CYP19A1: variants seen among roughly 807,000 people sequenced by gnomAD.
CYP19A1 encodes the protein cytochrome P450 family 19 subfamily A member 1.
In CYP19A1, 32 loss-of-function variants were observed where a neutral mutation model predicts 44.4. That is an observed-to-expected ratio of 0.72 (90% CI 0.54 to 0.97). CYP19A1 has a LOEUF of 0.97. Among genes scored for constraint, CYP19A1 ranks in the 50% least tolerant of loss-of-function variants. The pLI is 0.00. For missense variants in CYP19A1, 598 were observed against 637.8 expected (o/e 0.94, Z 0.67); for synonymous variants, 212 against 215.6 (o/e 0.98, Z 0.14).
chr15:51,336,161 A>G lies in CYP19A1; in HGVS notation c.-39+2334T>C, dbSNP rs952151306. ...GAACTGCATTCCTTTCTTCCAGAGC[A>G]TTTGTCTCGTGGCCGCATTTAGAAT... On this transcript the variant is annotated intron_variant, in intron 1 of 9. Transcript: ENST00000396402. 2.6e-5 allele frequency among the ~76,000 whole-genome samples: 4 copies of G among 152,016 alleles called. No individual in the cohort carries two copies. The East Asian group carries it at 7.7e-4, about 29-fold the overall frequency.
intron 4 of CYP19A1, among the ~76,000 whole-genome samples, chr15:51,225,342 A>G (rs748026617): frequency 1.9e-4 from 29 of 152,368 alleles, no homozygotes; most frequent in Non-Finnish European, 3.1e-4. Context: ...ACTAAATACT[A>G]GTTCACATAT....
chr15:51,211,461 G>T (rs2030973830), intron 9 of CYP19A1, among the ~76,000 whole-genome samples: 1 of 152,174 alleles, frequency 6.6e-6, no homozygotes, highest in South Asian at 2.1e-4. Context: ...TAGATTCCTG[G>T]CCTATTCAGT....
intron 5 of CYP19A1, among the ~76,000 whole-genome samples, chr15:51,220,015 G>A (rs896277910): frequency 6.6e-6 from 1 of 152,218 alleles, no homozygotes; most frequent in Admixed American, 6.5e-5. Context: ...TGGAGTAGGG[G>A]AGATGCGGCA....
intron 1 of CYP19A1, among the ~76,000 whole-genome samples, chr15:51,327,624 C>T (rs1265161580): frequency 6.6e-6 from 1 of 152,042 alleles, no homozygotes; most frequent in Non-Finnish European, 1.5e-5. Context: ...CCAGGGTCCA[C>T]AGGTCCCTTG....
chr15:51,279,366 T>C (rs146609653), intron 1 of CYP19A1, among the ~76,000 whole-genome samples: 1 of 152,162 alleles, frequency 6.6e-6, no homozygotes, highest in East Asian at 1.9e-4. Context: ...AGCAGGAAGA[T>C]GAGAAGGTTC....
chr15:51,287,218 C>T (rs1439167712), intron 1 of CYP19A1, among the ~76,000 whole-genome samples: 1 of 152,184 alleles, frequency 6.6e-6, no homozygotes, highest in Non-Finnish European at 1.5e-5. Context: ...TCCCAGCACC[C>T]CTGGACAAGC....
At chr15:51,308,686 GTAAACTAGA>G (rs1434542509) in intron 1 of CYP19A1, among the ~76,000 whole-genome samples, 4 of 152,106 alleles carry the variant, frequency 2.6e-5, no homozygotes, top group Non-Finnish European at 5.9e-5. Flanking sequence ...GGCGCAGTAG[GTAAACTAGA>G]TAAACAGAAC....
chr15:51,308,192 A>G (rs958486539), intron 1 of CYP19A1, among the ~76,000 whole-genome samples: 7 of 152,256 alleles, frequency 4.6e-5, no homozygotes, highest in African/African-American at 1.7e-4. Flanking sequence ...CTCAGGAAGG[A>G]GAGAAGCTTC....
intron 2 of CYP19A1, among the ~76,000 whole-genome samples, chr15:51,241,605 G>A (rs2033772749): frequency 6.6e-6 from 1 of 152,056 alleles, no homozygotes. Flanking sequence ...AGCCCCCTTG[G>A]GAGAGGAGAA....
At chr15:51,267,116 A>T (rs2034948669) in intron 1 of CYP19A1, among the ~76,000 whole-genome samples, 1 of 152,072 alleles carries the variant, frequency 6.6e-6, no homozygotes, top group Non-Finnish European at 1.5e-5. Flanking sequence ...TTTTCATGAC[A>T]AAGATTGGGT....
chr15:51,336,419 A>T lies in CYP19A1; in HGVS notation c.-39+2076T>A, dbSNP rs114356010. On this transcript the variant is annotated intron_variant, in intron 1 of 9. Transcript: ENST00000396402. ...GGTGTGAAGTTTCTTGGGGTTTAAC[A>T]GTAGGAATGGGGAGTTAAAACCATA... Among the ~76,000 whole-genome samples, 1,339 of 152,320 alleles carry T rather than the reference A, an allele frequency of 8.8e-3. 15 individuals are homozygous for T. Among genetic ancestry groups the T allele is most frequent in the African/African-American group, 0.031 (1,292 of 41,566 alleles).
At chr15:51,306,318 T>G (rs1368948956) in intron 1 of CYP19A1, among the ~76,000 whole-genome samples, 1 of 152,236 alleles carries the variant, frequency 6.6e-6, no homozygotes, top group African/African-American at 2.4e-5. Context: ...AGCCAGTTTA[T>G]TTTTCCTCCA....
chr15:51,322,417 G>A (rs141623890), intron 1 of CYP19A1, among the ~76,000 whole-genome samples: 25 of 152,272 alleles, frequency 1.6e-4, no homozygotes, highest in African/African-American at 5.5e-4. Flanking sequence ...CTCTCTTTTT[G>A]TACACTATAT....
chr15:51,258,633 G>GA (rs200466342), intron 1 of CYP19A1, among the ~76,000 whole-genome samples: 155 of 87,068 alleles, frequency 1.8e-3, no homozygotes, highest in African/African-American at 0.011. Flanking sequence ...CTGGAGTCCA[G>GA]GCCCCTGCTC....
chr15:51,265,350 G>A (rs1413659168), intron 1 of CYP19A1, among the ~76,000 whole-genome samples: 2 of 152,244 alleles, frequency 1.3e-5, no homozygotes, highest in Non-Finnish European at 1.5e-5. Context: ...GAAGCAGAAA[G>A]CAGATGGAAA....
chr15:51,328,050 A>G (rs1566927772), intron 1 of CYP19A1, among the ~76,000 whole-genome samples: 1 of 152,182 alleles, frequency 6.6e-6, no homozygotes, highest in African/African-American at 2.4e-5. Context: ...CCATGAATGC[A>G]ATAGATTTAA....
intron 1 of CYP19A1, among the ~76,000 whole-genome samples, chr15:51,251,306 C>T (rs1050858523): frequency 1.4e-4 from 21 of 152,264 alleles, no homozygotes; most frequent in East Asian, 5.8e-4. Context: ...GCCAGAGAGG[C>T]CCCCTGAACC....
chr15:51,226,469 G>A (rs1052060303), intron 4 of CYP19A1, among the ~76,000 whole-genome samples: 1 of 152,198 alleles, frequency 6.6e-6, no homozygotes, highest in East Asian at 1.9e-4. Context: ...GATACACTGG[G>A]GTCTACAGCA....
At chr15:51,318,080 C>A (rs1362670514) in intron 1 of CYP19A1, among the ~76,000 whole-genome samples, 2 of 152,144 alleles carry the variant, frequency 1.3e-5, no homozygotes, top group Non-Finnish European at 2.9e-5. Context: ...TCTCCCTGGG[C>A]CTCCTGTGTA....
Sources: allele counts gnomAD v4.1 joint callset (sites outside exome capture counted in the v4.1 genomes callset), GRCh38; gene constraint gnomAD v4.1.1; transcripts MANE v1.5; gene names NCBI Gene and HGNC (gene_info 2026-07-23, HGNC 2026-07-21).